NFIA: variants seen among roughly 807,000 people sequenced by gnomAD.
NFIA encodes the protein nuclear factor I A, also known as nuclear factor 1 A-type.
NFIA carries 8 observed loss-of-function variants against 62.8 expected under a neutral mutation model. The ratio of observed to expected loss-of-function variants is 0.13; its 90% CI spans 0.07 to 0.23. The LOEUF (loss-of-function observed/expected upper bound fraction) is 0.23, where lower values mean the gene tolerates loss of function less well. Ranked by LOEUF, NFIA falls within the 10% of genes least tolerant of loss-of-function variation. NFIA has a pLI of 1.00. For synonymous variants in NFIA, 235 were observed against 238.1 expected, an observed-to-expected ratio of 0.99 and a Z score of 0.12; for missense variants, 410 against 642.1, an observed-to-expected ratio of 0.64 and a Z score of 3.91.
At chr1:61,365,741 C>T (rs72666644) in intron 6 of NFIA, among the ~76,000 whole-genome samples, 11 of 152,332 alleles carry the variant, frequency 7.2e-5, no homozygotes, top group African/African-American at 1.2e-4. Context: ...GTGTCAGTCA[C>T]TACCTGTAAG....
intron 2 of NFIA, among the ~76,000 whole-genome samples, chr1:61,139,878 CAAAAA>C: frequency 1.3e-5 from 1 of 74,122 alleles, no homozygotes; most frequent in Non-Finnish European, 2.8e-5. Flanking sequence ...GGGAATTTAC[CAAAAA>C]AAAAAAAAAA....
At position 61,334,535 on chromosome 1, in the gene NFIA, A is replaced by ATGTG. The variant is rs35661377; in HGVS notation, c.700+1967_700+1970dup. On this transcript the variant is annotated intron_variant, in intron 4 of 10. Coordinates refer to ENST00000403491, the MANE Select transcript of NFIA (RefSeq NM_001134673.4). ...GGGGAGTATTTGTGTGTGTGTATATATGTGTGTGTGTGTGTGTGTGTATAT... is the reference window on the plus strand; with the variant it reads ...GGGGAGTATTTGTGTGTGTGTATATATGTGTGTGTGTGTGTGTGTGTGTGTATAT... Among the ~76,000 whole-genome samples the ATGTG allele has an allele frequency of 5.5e-3, 319 of 58,182 alleles. 14 individuals carry two copies. Among genetic ancestry groups the ATGTG allele is most frequent in the African/African-American group, 0.012 (105 of 8,620 alleles). 38.2% of individuals were successfully genotyped at this position (58,182 alleles called of 152,430 possible).
chr1:61,082,418 G>T (rs1365454663), upstream of NFIA: 38 of 940,796 alleles, frequency 4.0e-5, no homozygotes, highest in Non-Finnish European at 1.0e-5. Flanking sequence ...TGTGCGGTGC[G>T]GTGCAGAGCG....
chr1:61,455,418 C>G lies in NFIA; in HGVS notation c.*98C>G, dbSNP rs369861162. The G allele has an allele frequency of 1.8e-4, 291 of 1,594,306 alleles. No homozygotes were observed. The highest frequency in any genetic ancestry group is 2.3e-4 in the Non-Finnish European group (270 of 1,166,388). ...TCAACCCAGCGCAGTTACAACTTCA[C>G]TATCAGCGGAAGGGGAGAAAAACCG... On this transcript the variant is annotated 3_prime_UTR_variant, in exon 11 of 11. Transcript: ENST00000403491.
chr1:61,182,937 A>G (rs1474701716), intron 2 of NFIA, among the ~76,000 whole-genome samples: 1 of 152,260 alleles, frequency 6.6e-6, no homozygotes, highest in Non-Finnish European at 1.5e-5. Flanking sequence ...CCTGACAGCT[A>G]CATGCTTAGC....
intron 2 of NFIA, among the ~76,000 whole-genome samples, chr1:61,108,883 G>A (rs1646648854): frequency 6.6e-6 from 1 of 151,708 alleles, no homozygotes; most frequent in Admixed American, 6.6e-5. Context: ...CTGTTAATTA[G>A]TGGGTAAATA....
chr1:61,236,632 T>C (rs1655031430), intron 2 of NFIA, among the ~76,000 whole-genome samples: 1 of 152,180 alleles, frequency 6.6e-6, no homozygotes, highest in Non-Finnish European at 1.5e-5. Flanking sequence ...TTTTTTTTTT[T>C]TCAAGAAAGG....
intron 10 of NFIA, among the ~76,000 whole-genome samples, chr1:61,428,304 C>A (rs1265533549): frequency 2.0e-5 from 3 of 151,624 alleles, no homozygotes; most frequent in Non-Finnish European, 4.4e-5. Flanking sequence ...CACAAAAATT[C>A]AATTCTTAAA....
chr1:61,338,299 T>C (rs1661722932), intron 4 of NFIA, among the ~76,000 whole-genome samples: 1 of 152,190 alleles, frequency 6.6e-6, no homozygotes. Flanking sequence ...GCCACAAAGC[T>C]CAGCTGCCGG....
intron 2 of NFIA, chr1:61,251,485 A>G (rs181718903): frequency 2.3e-4 from 35 of 152,326 alleles, no homozygotes; most frequent in African/African-American, 8.4e-4. Flanking sequence ...TACTGTGACC[A>G]TCATTATTGT....
intron 5 of NFIA, among the ~76,000 whole-genome samples, chr1:61,358,532 C>A (rs1663101265): frequency 6.6e-6 from 1 of 151,682 alleles, no homozygotes; most frequent in Non-Finnish European, 1.5e-5. Flanking sequence ...ATTACAGGTG[C>A]CTGCCACCAC....
chr1:61,097,598 G>A (rs1398321132), intron 2 of NFIA, among the ~76,000 whole-genome samples: 1 of 152,082 alleles, frequency 6.6e-6, no homozygotes, highest in Non-Finnish European at 1.5e-5. Context: ...GTATTTGTCA[G>A]TGGGTAATAG....
chr1:61,398,308 A>G (rs1665384461), intron 7 of NFIA, among the ~76,000 whole-genome samples: 1 of 152,200 alleles, frequency 6.6e-6, no homozygotes, highest in East Asian at 1.9e-4. Flanking sequence ...GCCTTGAGCA[A>G]CAAAGGTCTT....
rs1423987871 is a variant in NFIA at position 61,456,598 on chromosome 1, A to G, written c.*1278A>G. ...GGATTTATCAGTTATCAGACACCTC[A>G]TTGTACCAGAGATTGTCCAGAAGTT... On this transcript the variant is annotated 3_prime_UTR_variant, in exon 11 of 11. Transcript: ENST00000403491. 4 of 151,326 alleles carry G rather than the reference A, an allele frequency of 2.6e-5. No homozygotes were observed. The highest frequency in any genetic ancestry group is 6.6e-5 in the Admixed American group (1 of 15,210). The allele number at this position is 151,326 out of a possible 1,614,324, so 9.4% of individuals were successfully genotyped here. A position where few individuals can be genotyped will look rare whatever the true frequency, so the allele number is the denominator to read the frequency against.
Position 61,088,833 on chromosome 1 carries a change from T to G in NFIA, c.559+153T>G, listed in dbSNP as rs1646266197. Among the ~76,000 whole-genome samples the G allele has an allele frequency of 6.6e-6, 1 of 152,208 alleles. No homozygotes were observed. The highest frequency in any genetic ancestry group is 1.5e-5 in the Non-Finnish European group (1 of 68,028). On this transcript the variant is annotated intron_variant, in intron 2 of 10. Transcript: ENST00000403491. This position sits in a 1 kb window ranked among gnomAD's most constrained non-coding sequence, Gnocchi z 4.5. ...TCAAAGATTGAGAGAGGTGCCACCTTCATTCAGGTGAAAAAGCATAGCTTT... is the reference window on the plus strand; with the variant it reads ...TCAAAGATTGAGAGAGGTGCCACCTGCATTCAGGTGAAAAAGCATAGCTTT...
chr1:61,282,547 G>A (rs1479355737), intron 3 of NFIA, among the ~76,000 whole-genome samples: 1 of 152,132 alleles, frequency 6.6e-6, no homozygotes, highest in East Asian at 1.9e-4. Context: ...AGTCATTAAT[G>A]AGGATAAAGC....
chr1:61,414,749 AAGG>A (rs1666278477), intron 9 of NFIA, among the ~76,000 whole-genome samples: 2 of 152,204 alleles, frequency 1.3e-5, no homozygotes, highest in Non-Finnish European at 2.9e-5. Flanking sequence ...AATGAAAAAA[AAGG>A]AGTTAGTGGC....
At chr1:61,313,637 T>C (rs1660224768) in intron 3 of NFIA, among the ~76,000 whole-genome samples, 1 of 152,152 alleles carries the variant, frequency 6.6e-6, no homozygotes, top group African/African-American at 2.4e-5. Flanking sequence ...ACACTTTCCC[T>C]GGACTGTAAA....
intron 2 of NFIA, among the ~76,000 whole-genome samples, chr1:61,170,712 A>G (rs1466203843): frequency 6.6e-6 from 1 of 152,162 alleles, no homozygotes; most frequent in African/African-American, 2.4e-5. Flanking sequence ...AGTAGGAAGC[A>G]TTTCTTTACC....
Sources: allele counts gnomAD v4.1 joint callset (sites outside exome capture counted in the v4.1 genomes callset), GRCh38; gene constraint gnomAD v4.1.1; non-coding constraint Gnocchi (gnomAD v3.1); transcripts MANE v1.5; gene names NCBI Gene and HGNC (gene_info 2026-07-23, HGNC 2026-07-21).